The following ACSL6 variants were observed in gnomAD, a reference collection of about 807,000 sequenced individuals.
The protein encoded by ACSL6 is acyl-CoA synthetase long chain family member 6.
ACSL6 carries 47 observed loss-of-function variants against 98.2 expected under a neutral mutation model. The ratio of observed to expected loss-of-function variants is 0.48; its 90% CI spans 0.38 to 0.61. ACSL6 has a LOEUF of 0.61. Ranked by LOEUF, ACSL6 falls within the 20% of genes least tolerant of loss-of-function variation. The pLI is 0.00. For synonymous variants in ACSL6, 362 were observed against 336.9 expected (o/e 1.07, Z -0.82); for missense variants, 761 against 913.4 (o/e 0.83, Z 2.15).
At chr5:131,975,164 GGGA>G in intron 10 of ACSL6, 194 bp from the exon 11 acceptor site, 1 of 1,414,864 alleles carries the variant, frequency 7.1e-7, no homozygotes, top group South Asian at 1.6e-5. Flanking sequence ...GAGAGAGAGA[GGGA>G]GGGGGAAGGT....
intron 1 of ACSL6, among the ~76,000 whole-genome samples, chr5:132,005,986 G>C (rs1755387696): frequency 6.6e-6 from 1 of 152,176 alleles, no homozygotes. Context: ...CAGGGGCTGA[G>C]CACTAAGATG....
chr5:131,971,507 G>A (rs766798085), intron 14 of ACSL6, 43 bp downstream of exon 14: 10 of 1,516,654 alleles, frequency 6.6e-6, no homozygotes, highest in South Asian at 3.9e-5. Context: ...CTGCCCTAAC[G>A]AACTTCCTGC....
intron 4 of ACSL6, 143 bp from the exon 5 acceptor site, chr5:131,989,651 A>C (rs1178616277): frequency 1.6e-6 from 1 of 622,366 alleles, no homozygotes; most frequent in South Asian, 2.1e-5. Context: ...GCTGGAGTGC[A>C]ATGGCACAAT....
chr5:131,980,094 G>A (rs1418592890), intron 9 of ACSL6, among the ~76,000 whole-genome samples: 1 of 152,196 alleles, frequency 6.6e-6, no homozygotes, highest in Non-Finnish European at 1.5e-5. Flanking sequence ...TGCAGGGGTG[G>A]AAGTGGGTTT....
At chr5:131,971,723 C>A in intron 13 of ACSL6, 78 bp from the exon 14 acceptor site, 2 of 1,219,960 alleles carry the variant, frequency 1.6e-6, no homozygotes, top group South Asian at 3.4e-5. Context: ...CATCCAAGGT[C>A]AACATCCAAC....
chr5:131,983,830 C>T (rs1159649009), intron 9 of ACSL6: 1 of 152,298 alleles, frequency 6.6e-6, no homozygotes, highest in Non-Finnish European at 1.5e-5. Flanking sequence ...TTCCTACAGT[C>T]TGGAAAAGCA....
intron 2 of ACSL6, 122 bp from the exon 3 acceptor site, chr5:131,991,089 G>A (rs549840909): frequency 9.1e-5 from 69 of 754,598 alleles, no homozygotes; most frequent in African/African-American, 7.0e-4. Context: ...AGTTAGCACC[G>A]TGGCATCTGT....
Position 131,953,951 on chromosome 5 carries a change from T to C in ACSL6, c.*283A>G, listed in dbSNP as rs1752270324. On this transcript the variant is annotated 3_prime_UTR_variant, in exon 21 of 21. Transcript: ENST00000651883. ...AGTTCTGTGAACATTGACAATATAT[T>C]ACTTTTAGTGGTACACAGTTCTTGA... is the stretch of plus-strand genomic sequence containing the variant. 4.0e-6 allele frequency: 1 copy of C among 251,628 alleles called. No homozygotes were observed. The highest frequency in any genetic ancestry group is 5.4e-5 in the Admixed American group (1 of 18,510). The allele number at this position is 251,628 out of a possible 1,614,324, so 15.6% of individuals were successfully genotyped here.
chr5:132,011,733 G>A (rs991851388), upstream of ACSL6: 1 of 1,302,762 alleles, frequency 7.7e-7, no homozygotes, highest in Non-Finnish European at 9.8e-7. This position sits in a 1 kb window ranked among gnomAD's most constrained non-coding sequence, Gnocchi z 5.4. Context: ...ACGGCTCAAG[G>A]GGGAGGGCGC....
At chr5:132,004,152 A>G (rs1237761639) in intron 1 of ACSL6, among the ~76,000 whole-genome samples, 2 of 151,312 alleles carry the variant, frequency 1.3e-5, no homozygotes, top group South Asian at 2.1e-4. Context: ...CATGTGCGGG[A>G]TCACTAGCTT....
chr5:131,995,054 G>C (rs1375563537), intron 1 of ACSL6, among the ~76,000 whole-genome samples: 1 of 152,186 alleles, frequency 6.6e-6, no homozygotes, highest in Non-Finnish European at 1.5e-5. Flanking sequence ...GCGGAGTGCT[G>C]TGTGCGCTCC....
chr5:131,966,176 G>A (rs926274706), intron 17 of ACSL6, among the ~76,000 whole-genome samples: 6 of 152,150 alleles, frequency 3.9e-5, no homozygotes, highest in African/African-American at 1.4e-4. Flanking sequence ...TAGGAATTCA[G>A]TCTCCAAGAC....
In ACSL6 at chr5:131,966,511, C is replaced by T. The variant is rs372695315; in HGVS notation, c.1618G>A (p.Val540Met). ...GGATCTTTCAAGTAGCCTTTGAACA[C>T]ATTTGGTCCTCTCACACATATCTAT... ...EGEICVRGPN[V>M]FKGYLKDPDR... Residue 540 changes from valine to methionine, a missense_variant, in exon 17 of 21, where the codon GTG (valine) becomes ATG (methionine). Val to Met is a conservative substitution (Grantham distance 21). Coordinates refer to ENST00000651883, the MANE Select transcript of ACSL6 (RefSeq NM_001009185.3). 12 of 1,614,038 alleles carry T rather than the reference C, an allele frequency of 7.4e-6. No homozygotes were observed. Among genetic ancestry groups the T allele is most frequent in the African/African-American group, 2.7e-5 (2 of 74,916 alleles).
chr5:131,965,695 C>G (rs573684497), intron 17 of ACSL6, among the ~76,000 whole-genome samples: 1 of 152,268 alleles, frequency 6.6e-6, no homozygotes, highest in Admixed American at 6.5e-5. Flanking sequence ...GCACTCCAGT[C>G]TGGGTGACAG....
intron 11 of ACSL6, 143 bp from the exon 12 acceptor site, chr5:131,973,543 G>T: frequency 1.2e-6 from 1 of 803,842 alleles, no homozygotes; most frequent in Non-Finnish European, 1.9e-6. Context: ...AGACACTGAT[G>T]AATGCCATCT....
intron 10 of ACSL6, chr5:131,975,608 T>C: frequency 3.3e-6 from 3 of 912,480 alleles, no homozygotes. Flanking sequence ...AAGCCATCCC[T>C]GGAACCAGGG....
intron 20 of ACSL6, among the ~76,000 whole-genome samples, chr5:131,954,720 C>A (rs1752308947): frequency 6.6e-6 from 1 of 152,090 alleles, no homozygotes; most frequent in Non-Finnish European, 1.5e-5. Flanking sequence ...GTATGGTATG[C>A]ATGAGATAAA....
Position 131,952,393 on chromosome 5 carries a change from A to C in ACSL6, c.*1841T>G, listed in dbSNP as rs1056546744. 4.8e-6 allele frequency: 1 copy of C among 207,334 alleles called. No individual in the cohort carries two copies. Among genetic ancestry groups the C allele is most frequent in the Non-Finnish European group, 9.8e-6 (1 of 101,744 alleles). The allele number at this position is 207,334 out of a possible 1,614,324, so 12.8% of individuals were successfully genotyped here. A position where few individuals can be genotyped will look rare whatever the true frequency, so the allele number is the denominator to read the frequency against. ...TCACTTTTGACAAGACTGAAATATA[A>C]GTATATAATCACTGATGCATATTTA... On this transcript the variant is annotated 3_prime_UTR_variant, in exon 21 of 21. Coordinates refer to ENST00000651883, the MANE Select transcript of ACSL6 (RefSeq NM_001009185.3).
chr5:131,970,510 C>T (rs1272565486), intron 14 of ACSL6, among the ~76,000 whole-genome samples: 3 of 151,716 alleles, frequency 2.0e-5, no homozygotes, highest in Non-Finnish European at 4.4e-5. Context: ...CCTGGGTTCA[C>T]GCCATTCTCC....
Sources: allele counts gnomAD v4.1 joint callset (sites outside exome capture counted in the v4.1 genomes callset), GRCh38; gene constraint gnomAD v4.1.1; non-coding constraint Gnocchi (gnomAD v3.1); transcripts MANE v1.5; gene names NCBI Gene and HGNC (gene_info 2026-07-23, HGNC 2026-07-21).